KIF26B: variants seen among roughly 807,000 people sequenced by gnomAD.
KIF26B encodes kinesin family member 26B, also known as kinesin-like protein KIF26B.
Under a neutral mutation model 151.2 loss-of-function variants are expected in KIF26B, and 63 were observed. That is an observed-to-expected ratio of 0.42 (90% CI 0.34 to 0.51). The LOEUF (loss-of-function observed/expected upper bound fraction) is 0.51. KIF26B is among the 20% of genes least tolerant of loss of function. The pLI, the probability that KIF26B is intolerant of heterozygous loss-of-function variation, is 0.07. For missense variants in KIF26B, 2,813 were observed against 2,913.6 expected (o/e 0.97, Z 0.79); for synonymous variants, 1,357 against 1,262.1 (o/e 1.08, Z -1.59).
At chr1:245,295,974 T>A (rs188079774) in intron 2 of KIF26B, among the ~76,000 whole-genome samples, 7 of 152,314 alleles carry the variant, frequency 4.6e-5, no homozygotes, top group Admixed American at 4.6e-4. Flanking sequence ...TGGACACTTC[T>A]CTGCCTCTCC....
chr1:245,521,620 G>A (rs1661112403), intron 4 of KIF26B, among the ~76,000 whole-genome samples: 1 of 152,118 alleles, frequency 6.6e-6, no homozygotes, highest in East Asian at 1.9e-4. Context: ...ACCCTGTTGG[G>A]AAGACATGCA....
chr1:245,177,665 GGTGT>G (rs111597803), intron 2 of KIF26B, among the ~76,000 whole-genome samples: 25,166 of 149,042 alleles, frequency 0.17, 2,208 homozygotes, highest in South Asian at 0.27. Context: ...TGTCCTTAGG[GGTGT>G]GTGTGTGTGT....
chr1:245,684,527 A>G, intron 11 of KIF26B, 132 bp downstream of exon 11: 1 of 983,572 alleles, frequency 1.0e-6, no homozygotes, highest in Middle Eastern at 2.8e-4. Context: ...GGAGCTGACA[A>G]CACGTGGCTC....
chr1:245,352,254 G>T lies in KIF26B; in HGVS notation c.466-14580G>T, dbSNP rs1672583183. 6.6e-6 allele frequency among the ~76,000 whole-genome samples: 1 copy of T among 152,002 alleles called. No individual in the cohort carries two copies. The highest frequency in any genetic ancestry group is 6.6e-5 in the Admixed American group (1 of 15,260). On this transcript the variant is annotated intron_variant, in intron 2 of 14. Transcript: ENST00000407071. This position sits in a 1 kb window ranked among gnomAD's most constrained non-coding sequence, Gnocchi z 5.0. ...CTACCATTCCTACCTCCAGTTTTTT[G>T]TTTGTTTGTTTGTTTGTGTTCCTTT...
At chr1:245,283,416 C>A (rs1013318155) in intron 2 of KIF26B, among the ~76,000 whole-genome samples, 3 of 152,104 alleles carry the variant, frequency 2.0e-5, no homozygotes, top group Admixed American at 2.0e-4. Flanking sequence ...TGATGAGTAC[C>A]TTTCACCATC....
At chr1:245,362,835 T>C (rs1672855540) in intron 2 of KIF26B, among the ~76,000 whole-genome samples, 1 of 152,228 alleles carries the variant, frequency 6.6e-6, no homozygotes, top group African/African-American at 2.4e-5. Context: ...ATTTGGTATA[T>C]ATTCCTGAAA....
At chr1:245,609,227 A>G (rs7555351) in intron 7 of KIF26B, 39 bp from the exon 8 acceptor site, 116,127 of 1,549,738 alleles carry the variant, frequency 0.075, 5,857 homozygotes, top group Admixed American at 0.24. Context: ...TGATGCCTGG[A>G]CACTGAACCT....
chr1:245,205,578 G>A lies in KIF26B; in HGVS notation c.465+48895G>A, dbSNP rs12024748. ...GCTACACTCACTTGGCAACCTTATG[G>A]TATGGCTGGTATGCTAGCAACCAAA... is the stretch of plus-strand genomic sequence containing the variant. On this transcript the variant is annotated intron_variant, in intron 2 of 14. Coordinates refer to ENST00000407071, the MANE Select transcript of KIF26B (RefSeq NM_018012.4). 7.8e-3 allele frequency among the ~76,000 whole-genome samples: 1,190 copies of A among 152,258 alleles called. 40 individuals carry two copies. In the East Asian group the frequency reaches 0.13, roughly 17 times the overall value.
At chr1:245,650,211 C>T (rs1572178707) in intron 10 of KIF26B, among the ~76,000 whole-genome samples, 1 of 152,238 alleles carries the variant, frequency 6.6e-6, no homozygotes, top group Admixed American at 6.5e-5. Context: ...GGGAACCCTG[C>T]CCTCATTCGA....
intron 4 of KIF26B, among the ~76,000 whole-genome samples, chr1:245,420,288 CAAA>C (rs1471730290): frequency 6.6e-6 from 1 of 151,936 alleles, no homozygotes; most frequent in East Asian, 1.9e-4. Context: ...ATACAAGAAA[CAAA>C]AAAGAAAGGT....
At chr1:245,337,134 TTTTA>T (rs59391704) in intron 2 of KIF26B, among the ~76,000 whole-genome samples, 68,247 of 147,798 alleles carry the variant, frequency 0.46, 19,196 homozygotes, top group Non-Finnish European at 0.62. Flanking sequence ...CATTTAGAAG[TTTTA>T]TTTATTTATT....
intron 2 of KIF26B, among the ~76,000 whole-genome samples, chr1:245,246,962 C>T (rs570787805): frequency 6.7e-6 from 1 of 149,832 alleles, no homozygotes; most frequent in Admixed American, 6.7e-5. Context: ...CACACACACA[C>T]AGACACAGAC....
At chr1:245,353,401 A>G (rs2103001601) in intron 2 of KIF26B, among the ~76,000 whole-genome samples, 1 of 152,324 alleles carries the variant, frequency 6.6e-6, no homozygotes, top group African/African-American at 2.4e-5. Context: ...AGAAGCCAGT[A>G]AAGATGGCAG....
chr1:245,677,938 G>T (rs1209251083), intron 10 of KIF26B, among the ~76,000 whole-genome samples: 1 of 152,234 alleles, frequency 6.6e-6, no homozygotes, highest in African/African-American at 2.4e-5. Flanking sequence ...CTTGAGAACA[G>T]CCTTTCCCAT....
chr1:245,671,128 A>G (rs1209430849), intron 10 of KIF26B, among the ~76,000 whole-genome samples: 1 of 152,158 alleles, frequency 6.6e-6, no homozygotes, highest in African/African-American at 2.4e-5. Flanking sequence ...GGCTTATTTC[A>G]CAAAATGATC....
At chr1:245,665,481 G>A (rs530381305) in intron 10 of KIF26B, among the ~76,000 whole-genome samples, 2 of 152,212 alleles carry the variant, frequency 1.3e-5, no homozygotes, top group South Asian at 4.2e-4. Flanking sequence ...AGAGAGAACC[G>A]CACACTCTAC....
At chr1:245,316,206 C>A (rs1671771870) in intron 2 of KIF26B, among the ~76,000 whole-genome samples, 1 of 151,720 alleles carries the variant, frequency 6.6e-6, no homozygotes, top group Non-Finnish European at 1.5e-5. Context: ...GTGTGAACCT[C>A]CGCCTCCCAG....
At position 245,359,628 on chromosome 1, in the gene KIF26B, T is replaced by A. The variant is rs141839230; in HGVS notation, c.466-7206T>A. Among the ~76,000 whole-genome samples the A allele has an allele frequency of 4.7e-3, 718 of 152,080 alleles. 3 individuals carry two copies. Among genetic ancestry groups the A allele is most frequent in the Non-Finnish European group, 6.4e-3 (434 of 67,972 alleles). On this transcript the variant is annotated intron_variant, in intron 2 of 14. Coordinates refer to ENST00000407071, the MANE Select transcript of KIF26B (RefSeq NM_018012.4). ...GGAACTCCAGGAACCCAGTATTATTTTGATTCCTTCCTTCCTTCCTTCATT... is the reference window on the plus strand; with the variant it reads ...GGAACTCCAGGAACCCAGTATTATTATGATTCCTTCCTTCCTTCCTTCATT...
At chr1:245,307,750 T>C (rs921660844) in intron 2 of KIF26B, among the ~76,000 whole-genome samples, 1 of 151,556 alleles carries the variant, frequency 6.6e-6, no homozygotes, top group Non-Finnish European at 1.5e-5. Flanking sequence ...CTCTTTTTTT[T>C]TTTTTTTTGA....
Sources: allele counts gnomAD v4.1 joint callset (sites outside exome capture counted in the v4.1 genomes callset), GRCh38; gene constraint gnomAD v4.1.1; non-coding constraint Gnocchi (gnomAD v3.1); transcripts MANE v1.5; gene names NCBI Gene and HGNC (gene_info 2026-07-23, HGNC 2026-07-21).